The following SPPL3 variants were observed in gnomAD, a reference collection of about 807,000 sequenced individuals.
The protein encoded by SPPL3 is signal peptide peptidase-like 3.
In SPPL3, 5 loss-of-function variants were observed where a neutral mutation model predicts 42.4. That is an observed-to-expected ratio of 0.12 (90% CI 0.06 to 0.25). The LOEUF is 0.25. Among genes scored for constraint, SPPL3 ranks in the 10% least tolerant of loss-of-function variants. The pLI is 1.00. For synonymous variants in SPPL3, 195 were observed against 181.8 expected (o/e 1.07, Z -0.58); for missense variants, 235 against 489.0 (o/e 0.48, Z 4.90).
rs778528596 is a variant in SPPL3, at chr12:120,764,250, T to G, written c.*749A>C. 3 of 152,394 alleles carry G rather than the reference T, an allele frequency of 2.0e-5. No homozygotes were observed. The highest frequency in any genetic ancestry group is 4.8e-5 in the African/African-American group (2 of 41,458). The allele number at this position is 152,394 out of a possible 1,614,324, so 9.4% of individuals were successfully genotyped here. On this transcript the variant is annotated 3_prime_UTR_variant, in exon 11 of 11. Transcript: ENST00000353487. ...CATGCTCAAAACGACAGCAAGCCCC[T>G]GTCAGCTACACAGCGTGATCTTAGC...
At chr12:120,810,925 G>T (rs757462603) in intron 1 of SPPL3, 39 bp from the exon 2 acceptor site, 2 of 1,469,726 alleles carry the variant, frequency 1.4e-6, no homozygotes, top group East Asian at 4.5e-5. Flanking sequence ...ATCACATGCA[G>T]TGAGTCCTAA....
chr12:120,796,851 G>T (rs1019507147), intron 2 of SPPL3, among the ~76,000 whole-genome samples: 1 of 152,134 alleles, frequency 6.6e-6, no homozygotes, highest in Non-Finnish European at 1.5e-5. Context: ...CACTTTAGAT[G>T]ATTTCCACAT....
chr12:120,868,761 T>A (rs1184452435), intron 1 of SPPL3, among the ~76,000 whole-genome samples: 2 of 152,170 alleles, frequency 1.3e-5, no homozygotes, highest in Non-Finnish European at 2.9e-5. Flanking sequence ...ATTACAGGGG[T>A]AAGCCACCAT....
chr12:120,848,669 T>G (rs1346454310), intron 1 of SPPL3, among the ~76,000 whole-genome samples: 1 of 152,240 alleles, frequency 6.6e-6, no homozygotes, highest in African/African-American at 2.4e-5. Context: ...TTGACAATTT[T>G]CATAACTACT....
At chr12:120,827,303 A>G (rs1283365578) in intron 1 of SPPL3, among the ~76,000 whole-genome samples, 2 of 148,552 alleles carry the variant, frequency 1.3e-5, no homozygotes, top group Admixed American at 1.4e-4. Context: ...ACCAAGAAAT[A>G]TAACTGCTGC....
chr12:120,853,574 T>C (rs562511828), intron 1 of SPPL3, among the ~76,000 whole-genome samples: 109 of 152,294 alleles, frequency 7.2e-4, no homozygotes, highest in South Asian at 2.1e-3. Context: ...CCAAAGCACA[T>C]GGAAAGGAAG....
chr12:120,844,753 C>G (rs1207446820), intron 1 of SPPL3, among the ~76,000 whole-genome samples: 1 of 151,744 alleles, frequency 6.6e-6, no homozygotes, highest in Non-Finnish European at 1.5e-5. Flanking sequence ...CAACAGAGCT[C>G]TAAAGCCAAG....
intron 1 of SPPL3, among the ~76,000 whole-genome samples, chr12:120,820,337 C>G (rs1186585838): frequency 9.6e-6 from 1 of 104,418 alleles, no homozygotes; most frequent in African/African-American, 4.0e-5. Context: ...TTTTGTGAGA[C>G]AAGAGTCTCG....
chr12:120,780,796 C>T (rs1236969494), intron 6 of SPPL3, among the ~76,000 whole-genome samples: 1 of 151,490 alleles, frequency 6.6e-6, no homozygotes, highest in Non-Finnish European at 1.5e-5. Flanking sequence ...GCCCACAATC[C>T]CAGCTACTTG....
chr12:120,785,914 CAAA>C (rs11307959), intron 3 of SPPL3, among the ~76,000 whole-genome samples: 8 of 85,828 alleles, frequency 9.3e-5, no homozygotes, highest in Non-Finnish European at 9.8e-5. Context: ...GAGTCCAAGG[CAAA>C]AAAAAAAAAA....
At chr12:120,871,524 G>A (rs1872931239) in intron 1 of SPPL3, among the ~76,000 whole-genome samples, 1 of 152,114 alleles carries the variant, frequency 6.6e-6, no homozygotes, top group South Asian at 2.1e-4. Flanking sequence ...AGGCTGAGAT[G>A]AGTGGATCAT....
At chr12:120,872,038 A>G (rs1237142984) in intron 1 of SPPL3, among the ~76,000 whole-genome samples, 2 of 152,220 alleles carry the variant, frequency 1.3e-5, no homozygotes, top group East Asian at 1.9e-4. Flanking sequence ...ATGGCACTCA[A>G]AAAGTTTCAA....
chr12:120,874,178 C>T (rs1007717751), intron 1 of SPPL3, among the ~76,000 whole-genome samples: 1 of 151,736 alleles, frequency 6.6e-6, no homozygotes, highest in Non-Finnish European at 1.5e-5. Flanking sequence ...TATGGCCAGG[C>T]GTGGTGGCTC....
chr12:120,860,460 T>TA (rs1480540086), intron 1 of SPPL3, among the ~76,000 whole-genome samples: 5 of 152,196 alleles, frequency 3.3e-5, no homozygotes, highest in African/African-American at 9.7e-5. Context: ...CAAGACTGTT[T>TA]AAAGTGTGGG....
At chr12:120,776,927 T>C (rs1250506248) in intron 6 of SPPL3, among the ~76,000 whole-genome samples, 1 of 152,230 alleles carries the variant, frequency 6.6e-6, no homozygotes, top group African/African-American at 2.4e-5. Flanking sequence ...GCAGTGAAAC[T>C]AATCATCCTG....
intron 2 of SPPL3, among the ~76,000 whole-genome samples, chr12:120,809,206 G>A (rs1187483929): frequency 1.1e-4 from 17 of 152,156 alleles, no homozygotes; most frequent in African/African-American, 4.1e-4. Flanking sequence ...TTAGCCAGGC[G>A]TGGTGGCGGG....
intron 1 of SPPL3, chr12:120,835,625 A>G (rs1871592032): frequency 2.0e-5 from 3 of 152,204 alleles, no homozygotes; most frequent in East Asian, 1.9e-4. Context: ...GATCTCTTCT[A>G]TGTTGATAGT....
At chr12:120,897,318 T>A (rs1270197033) in intron 1 of SPPL3, among the ~76,000 whole-genome samples, 1 of 152,214 alleles carries the variant, frequency 6.6e-6, no homozygotes, top group Non-Finnish European at 1.5e-5. Flanking sequence ...TTGAGGAAAA[T>A]GATTTAAATA....
intron 1 of SPPL3, among the ~76,000 whole-genome samples, chr12:120,821,388 C>T (rs115371754): frequency 0.014 from 2,135 of 152,348 alleles, 38 homozygotes; most frequent in African/African-American, 0.045. Context: ...TTCAACACTG[C>T]AGCCGGAAAC....
Sources: allele counts gnomAD v4.1 joint callset (sites outside exome capture counted in the v4.1 genomes callset), GRCh38; gene constraint gnomAD v4.1.1; transcripts MANE v1.5; gene names NCBI Gene and HGNC (gene_info 2026-07-23, HGNC 2026-07-21).